DYNC2I1: variants seen among roughly 807,000 people sequenced by gnomAD.
DYNC2I1 encodes cytoplasmic dynein 2 intermediate chain 1.
DYNC2I1 carries 89 observed loss-of-function variants against 133.4 expected under a neutral mutation model. The observed-to-expected ratio is 0.67, with a 90% CI of 0.56 to 0.80. The LOEUF (loss-of-function observed/expected upper bound fraction) is 0.80, where lower values mean the gene tolerates loss of function less well. Ranked by LOEUF, DYNC2I1 falls within the 30% of genes least tolerant of loss-of-function variation. The pLI, the probability that DYNC2I1 is intolerant of heterozygous loss-of-function variation, is 0.00. For missense variants in DYNC2I1, 1,291 were observed against 1,314.5 expected, an observed-to-expected ratio of 0.98 and a Z score of 0.28; for synonymous variants, 504 against 484.3, an observed-to-expected ratio of 1.04 and a Z score of -0.54.
At chr7:158,884,219 A>G (rs1173564299) in intron 5 of DYNC2I1, among the ~76,000 whole-genome samples, 2 of 150,906 alleles carry the variant, frequency 1.3e-5, no homozygotes, top group African/African-American at 2.4e-5. Flanking sequence ...TAATTTTTGT[A>G]TTTTTAGTAG....
Position 158,926,238 on chromosome 7 carries a change from C to T in DYNC2I1, c.2309C>T (p.Pro770Leu), listed in dbSNP as rs1371490481. ...NHRSPLQAVE[P>L]ISTSVHKKQS... ...CGAAGCCCTCTTCAAGCAGTAGAAC[C>T]TATCTCAACGTCCGTCCACAAAAAG... Residue 770 changes from proline to leucine, a missense_variant, in exon 18 of 25, where the codon CCT (proline) becomes CTT (leucine). Coordinates refer to ENST00000407559, the MANE Select transcript of DYNC2I1 (RefSeq NM_018051.5). 2 of 1,613,684 alleles carry T rather than the reference C, an allele frequency of 1.2e-6. No homozygotes were observed. The highest frequency in any genetic ancestry group is 2.2e-5 in the South Asian group (2 of 90,916).
At chr7:158,928,207 G>T (rs1391430965) in intron 20 of DYNC2I1, among the ~76,000 whole-genome samples, 4 of 152,068 alleles carry the variant, frequency 2.6e-5, no homozygotes, top group Non-Finnish European at 4.4e-5. Context: ...GTTCCAGAAA[G>T]GGCTCAGAAG....
downstream of DYNC2I1, chr7:158,946,335 T>G (rs1447801128): frequency 3.9e-5 from 6 of 152,216 alleles, no homozygotes; most frequent in Non-Finnish European, 8.8e-5. Flanking sequence ...GTAAATAAAC[T>G]CTCTTGAATT....
Position 158,918,813 on chromosome 7 carries a change from C to T in DYNC2I1, c.1865C>T (p.Ala622Val). The T allele has an allele frequency of 1.2e-6, 2 of 1,613,818 alleles. No homozygotes were observed. Among genetic ancestry groups the T allele is most frequent in the Non-Finnish European group, 1.7e-6 (2 of 1,179,846 alleles). ...TGGAATCTTAGGGCTCAAGACAGGG[C>T]CCTGTATTTTAGTGACAGCTCATCT... is the stretch of plus-strand genomic sequence containing the variant. ...PSWNLRAQDR[A>V]LYFSDSSSQL... Residue 622 changes from alanine to valine, a missense_variant, in exon 15 of 25, where the codon GCC becomes GTC. Physicochemically the swap from Ala to Val is moderately conservative, Grantham distance 64. Transcript: ENST00000407559.
chr7:158,929,529 G>T (rs1273441028), intron 20 of DYNC2I1, among the ~76,000 whole-genome samples: 2 of 152,206 alleles, frequency 1.3e-5, no homozygotes, highest in South Asian at 4.1e-4. Context: ...AGGCGGTGGC[G>T]TGGGAGCCGA....
chr7:158,894,193 CATATCATACCGT>C (rs1845553366), intron 8 of DYNC2I1, among the ~76,000 whole-genome samples: 1 of 151,794 alleles, frequency 6.6e-6, no homozygotes, highest in Non-Finnish European at 1.5e-5. Flanking sequence ...TATCATACTA[CATATCATACCGT>C]ATATCATAGT....
intron 11 of DYNC2I1, among the ~76,000 whole-genome samples, chr7:158,909,330 C>CAAAA (rs66565045): frequency 1.0e-3 from 49 of 46,744 alleles, no homozygotes; most frequent in African/African-American, 2.7e-3. Context: ...GACTCTGTCT[C>CAAAA]AAAAAAAAAA....
chr7:158,939,341 G>A (rs1851099941), intron 23 of DYNC2I1, among the ~76,000 whole-genome samples: 1 of 152,166 alleles, frequency 6.6e-6, no homozygotes, highest in Non-Finnish European at 1.5e-5. Context: ...AGCTACTTGG[G>A]AGGCTGATGA....
intron 8 of DYNC2I1, among the ~76,000 whole-genome samples, chr7:158,892,281 T>A (rs895025858): frequency 5.3e-5 from 8 of 152,226 alleles, no homozygotes; most frequent in African/African-American, 1.9e-4. Context: ...AAATTCCTGT[T>A]TTCTTCTTGT....
chr7:158,880,398 A>G (rs1843881988), intron 5 of DYNC2I1, among the ~76,000 whole-genome samples: 1 of 151,998 alleles, frequency 6.6e-6, no homozygotes. Context: ...TTAGTGGGGC[A>G]TGGTGGTAGG....
chr7:158,884,723 C>G (rs1260945308), intron 6 of DYNC2I1, 104 bp downstream of exon 6: 2 of 1,217,656 alleles, frequency 1.6e-6, no homozygotes, highest in Admixed American at 2.2e-5. Flanking sequence ...CCATGGCAAT[C>G]AGTTATAGAT....
In DYNC2I1 at chr7:158,868,927, A is replaced by C. The variant is rs570451546; in HGVS notation, c.16-928A>C. Among the ~76,000 whole-genome samples the C allele has an allele frequency of 4.6e-5, 7 of 152,320 alleles. No individual in the cohort carries two copies. In the South Asian group the frequency reaches 1.5e-3, roughly 32 times the overall value. On this transcript the variant is annotated intron_variant, in intron 1 of 24. Coordinates refer to ENST00000407559, the MANE Select transcript of DYNC2I1 (RefSeq NM_018051.5). ...AGCATCTGGTATGCACCAGATGCTA[A>C]ACTCATTTCTGTCTGTCATACATCC...
At chr7:158,878,273 A>G in intron 4 of DYNC2I1, among the ~76,000 whole-genome samples, 1 of 144,848 alleles carries the variant, frequency 6.9e-6, no homozygotes, top group Non-Finnish European at 1.5e-5. Flanking sequence ...TGGAGAGGCC[A>G]GGAGGGCCGA....
intron 11 of DYNC2I1, among the ~76,000 whole-genome samples, chr7:158,910,302 G>A (rs1847275660): frequency 6.6e-6 from 1 of 152,088 alleles, no homozygotes; most frequent in Admixed American, 6.5e-5. Flanking sequence ...CAGGCCTGTG[G>A]GTGCAGGGCC....
chr7:158,845,176 G>C, the DYNC2I1 span, among the ~76,000 whole-genome samples: 1 of 152,078 alleles, frequency 6.6e-6, no homozygotes, highest in African/African-American at 2.4e-5. Context: ...TTACAAACCA[G>C]TAAGTTTGTA....
At chr7:158,954,949 G>A (rs979428425) in intron 4 of DYNC2I1, among the ~76,000 whole-genome samples, 7 of 144,944 alleles carry the variant, frequency 4.8e-5, no homozygotes, top group African/African-American at 1.8e-4. Flanking sequence ...CCTACTGTTA[G>A]TGTCTTTAGA....
chr7:158,942,286 T>C lies in DYNC2I1; in HGVS notation c.3002+138T>C, dbSNP rs1262206054. The C allele has an allele frequency of 9.0e-6, 6 of 668,496 alleles. No homozygotes were observed. In the East Asian group the frequency reaches 1.2e-4, roughly 13 times the overall value. The allele number at this position is 668,496 out of a possible 1,614,324, so 41.4% of individuals were successfully genotyped here. A position where few individuals can be genotyped will look rare whatever the true frequency, so the allele number is the denominator to read the frequency against. On this transcript the variant is annotated intron_variant, in intron 24 of 24. Coordinates refer to ENST00000407559, the MANE Select transcript of DYNC2I1 (RefSeq NM_018051.5). ...TGGCCATATGTAAATTTAAATAATA[T>C]GTTCAGTTAAAAATTAAAAAGTATT...
intron 11 of DYNC2I1, among the ~76,000 whole-genome samples, chr7:158,911,213 A>C (rs558437524): frequency 6.6e-6 from 1 of 152,336 alleles, no homozygotes; most frequent in South Asian, 2.1e-4. Context: ...CAAATGAATT[A>C]GTCCTTAGGA....
chr7:158,857,810 TAAA>T lies in DYNC2I1; in HGVS notation c.15+1061_15+1063del, dbSNP rs1841442329. 3.2e-5 allele frequency among the ~76,000 whole-genome samples: 4 copies of T among 123,622 alleles called. No individual in the cohort carries two copies. In the South Asian group the frequency reaches 1.1e-3, roughly 34 times the overall value. 81.1% of individuals were successfully genotyped at this position (123,622 alleles called of 152,430 possible). A position where few individuals can be genotyped will look rare whatever the true frequency, so the allele number is the denominator to read the frequency against. ...CCCGGCCTTTTTTTTTTTTTTTTTTTAAAGATAATTCCCCTTGTCGCCCAGGCT... is the reference window on the plus strand; with the variant it reads ...CCCGGCCTTTTTTTTTTTTTTTTTTTGATAATTCCCCTTGTCGCCCAGGCT... On this transcript the variant is annotated intron_variant, in intron 1 of 24. Transcript: ENST00000407559.
Sources: allele counts gnomAD v4.1 joint callset (sites outside exome capture counted in the v4.1 genomes callset), GRCh38; gene constraint gnomAD v4.1.1; transcripts MANE v1.5; gene names NCBI Gene and HGNC (gene_info 2026-07-23, HGNC 2026-07-21).